Variants in NUP214 observed in about 807,000 individuals in gnomAD.
NUP214 encodes the protein nucleoporin 214.
NUP214 carries 79 observed loss-of-function variants against 196.2 expected under a neutral mutation model. The observed-to-expected ratio is 0.40, with a 90% CI of 0.34 to 0.49. NUP214 has a LOEUF of 0.49. Ranked by LOEUF, NUP214 falls within the 20% of genes least tolerant of loss-of-function variation. NUP214 has a pLI of 0.58. For missense variants in NUP214, 2,468 were observed against 2,539.0 expected, an observed-to-expected ratio of 0.97 and a Z score of 0.60; for synonymous variants, 1,020 against 990.5, an observed-to-expected ratio of 1.03 and a Z score of -0.56.
chr9:131,149,293 G>A (rs1211514882), intron 14 of NUP214, among the ~76,000 whole-genome samples: 1 of 136,956 alleles, frequency 7.3e-6, no homozygotes. Flanking sequence ...CCTCTCTAGT[G>A]TTAATCGTTG....
At chr9:131,182,770 A>G (rs542794917) in intron 24 of NUP214, among the ~76,000 whole-genome samples, 20 of 152,226 alleles carry the variant, frequency 1.3e-4, no homozygotes, top group Admixed American at 1.2e-3. Context: ...GTTTCTATTT[A>G]TCCCATCTGT....
chr9:131,138,790 A>G (rs765545354), intron 9 of NUP214, among the ~76,000 whole-genome samples: 1 of 152,220 alleles, frequency 6.6e-6, no homozygotes, highest in Non-Finnish European at 1.5e-5. Flanking sequence ...CTCTGTCTCT[A>G]TAGACGAGTG....
chr9:131,220,374 C>T (rs969052657), intron 31 of NUP214, among the ~76,000 whole-genome samples: 2 of 152,198 alleles, frequency 1.3e-5, no homozygotes, highest in African/African-American at 2.4e-5. Flanking sequence ...TTGTTTTATG[C>T]TACTTTGTTT....
At chr9:131,172,818 A>G (rs1832996884) in intron 21 of NUP214, among the ~76,000 whole-genome samples, 1 of 152,182 alleles carries the variant, frequency 6.6e-6, no homozygotes, top group South Asian at 2.1e-4. Context: ...TTGCAGAGCC[A>G]TGTGCACATG....
At chr9:131,147,288 C>G (rs946773406) in intron 13 of NUP214, among the ~76,000 whole-genome samples, 2 of 152,060 alleles carry the variant, frequency 1.3e-5, no homozygotes, top group Admixed American at 1.3e-4. Context: ...ATACCTGGCT[C>G]CTAAAATTTT....
chr9:131,173,891 C>T lies in NUP214; in HGVS notation c.2894-164C>T, dbSNP rs562029815. Among the ~76,000 whole-genome samples, 9 of 152,178 alleles carry T rather than the reference C, an allele frequency of 5.9e-5. No individual in the cohort carries two copies. In the South Asian group the frequency reaches 1.9e-3, roughly 32 times the overall value. ...TCCCCATCTGAGCAAAGACCCAAAACCATTTTTGTTCACATTTGACAATAC... is the reference window on the plus strand; with the variant it reads ...TCCCCATCTGAGCAAAGACCCAAAATCATTTTTGTTCACATTTGACAATAC... On this transcript the variant is annotated intron_variant, in intron 21 of 35. Coordinates refer to ENST00000359428, the MANE Select transcript of NUP214 (RefSeq NM_005085.4).
Position 131,197,764 on chromosome 9 carries a change from G to T in NUP214, c.4270G>T (p.Val1424Phe). ...LPVTSAGSSG[V>F]ISFGGTSLSA... ...AGTCACCAGTGCAGGATCCTCTGGG[G>T]TCATCAGTTTTGGTGGGACATCTCT... Residue 1424 changes from valine (V) to phenylalanine (F), a missense_variant, in exon 29 of 36, where the codon GTC becomes TTC. Val to Phe is a conservative substitution (Grantham distance 50). Around this residue, in one of 5 missense-constraint regions of NUP214, gnomAD observed 1,801 missense variants for 1,779.4 expected, o/e 1.01. Transcript: ENST00000359428. The T allele has an allele frequency of 6.2e-7, 1 of 1,614,154 alleles. No individual in the cohort carries two copies. Among genetic ancestry groups the T allele is most frequent in the Non-Finnish European group, 8.5e-7 (1 of 1,180,036 alleles).
intron 32 of NUP214, among the ~76,000 whole-genome samples, chr9:131,225,932 G>C (rs1834707470): frequency 6.6e-6 from 1 of 152,230 alleles, no homozygotes; most frequent in Non-Finnish European, 1.5e-5. Context: ...ATGGACTGAA[G>C]ATGGCCTTGC....
At chr9:131,195,159 T>C in intron 27 of NUP214, 74 bp from the exon 28 acceptor site, 2 of 1,047,460 alleles carry the variant, frequency 1.9e-6, no homozygotes, top group Non-Finnish European at 2.9e-6. Flanking sequence ...GAATGAATGA[T>C]AAAATGGAAT....
chr9:131,137,082 G>C (rs1831752390), intron 9 of NUP214, among the ~76,000 whole-genome samples: 1 of 152,174 alleles, frequency 6.6e-6, no homozygotes, highest in South Asian at 2.1e-4. Context: ...TGAGGCTAGA[G>C]TTCAGCCATC....
At position 131,170,872 on chromosome 9, in the gene NUP214, G is replaced by A. The variant is rs111792799; in HGVS notation, c.2894-3183G>A. On this transcript the variant is annotated intron_variant, in intron 21 of 35. Coordinates refer to ENST00000359428, the MANE Select transcript of NUP214 (RefSeq NM_005085.4). ...ACCTCCAGTGCAGCGTAAAAGTGTCGTGTAGCTCTCCTTGATCTCAAAAGG... is the reference window on the plus strand; with the variant it reads ...ACCTCCAGTGCAGCGTAAAAGTGTCATGTAGCTCTCCTTGATCTCAAAAGG... Among the ~76,000 whole-genome samples the A allele has an allele frequency of 2.0e-3, 303 of 151,874 alleles. 1 individual carries two copies. Among genetic ancestry groups the A allele is most frequent in the African/African-American group, 6.7e-3 (277 of 41,420 alleles).
In NUP214 at chr9:131,125,671, G is replaced by C. The variant is rs1831325037; in HGVS notation, c.-34G>C. ...TCCGTGGGCAAGGCCGTGGGAGGCA[G>C]CGTTGGCTGCTTCGACACACTGAGG... is the stretch of plus-strand genomic sequence containing the variant. On this transcript the variant is annotated 5_prime_UTR_variant, in exon 1 of 36. Transcript: ENST00000359428. The surrounding 1 kb of genome is among the most constrained non-coding windows in gnomAD (Gnocchi z 4.1). 1.3e-6 allele frequency: 2 copies of C among 1,547,778 alleles called. No individual in the cohort carries two copies. The highest frequency in any genetic ancestry group is 2.8e-5 in the African/African-American group (2 of 72,646).
intron 12 of NUP214, among the ~76,000 whole-genome samples, chr9:131,145,784 C>G (rs1338950019): frequency 6.6e-6 from 1 of 152,194 alleles, no homozygotes; most frequent in Non-Finnish European, 1.5e-5. Flanking sequence ...AGTACTAACT[C>G]TCCTAAGCAT....
chr9:131,198,115 C>A lies in NUP214; in HGVS notation c.4621C>A (p.Pro1541Thr). 1 of 1,614,206 alleles carries A rather than the reference C, an allele frequency of 6.2e-7. No individual in the cohort carries two copies. Among genetic ancestry groups the A allele is most frequent in the Non-Finnish European group, 8.5e-7 (1 of 1,180,036 alleles). ...PQTSDSVKKE[P>T]VLAQPAVSNS... is the part of the protein sequence containing the mutation. Reference sequence around the variant, plus strand: ...AACTTCTGACTCTGTTAAAAAAGAACCTGTTCTTGCCCAGCCTGCAGTCAG... The same window carrying A: ...AACTTCTGACTCTGTTAAAAAAGAAACTGTTCTTGCCCAGCCTGCAGTCAG... The change falls in exon 29 of 36, where the codon CCT (proline) becomes ACT (threonine). Residue 1541 changes from proline to threonine, a missense_variant. By Grantham distance (38) the Pro-to-Thr change is conservative. Coordinates refer to ENST00000359428, the MANE Select transcript of NUP214 (RefSeq NM_005085.4).
chr9:131,174,530 C>T (rs1341579751), intron 22 of NUP214, among the ~76,000 whole-genome samples: 1 of 129,744 alleles, frequency 7.7e-6, no homozygotes, highest in Non-Finnish European at 1.6e-5. Flanking sequence ...CTCACTGCAA[C>T]ATCCACCTCC....
intron 31 of NUP214, among the ~76,000 whole-genome samples, chr9:131,218,376 A>C (rs1564216948): frequency 6.6e-6 from 1 of 152,126 alleles, no homozygotes; most frequent in East Asian, 1.9e-4. Flanking sequence ...CATTGTCCTC[A>C]CCACAGTACT....
In NUP214 at chr9:131,180,611, C is replaced by T. The variant is rs115481633; in HGVS notation, c.3419+2201C>T. Among the ~76,000 whole-genome samples, 701 of 152,262 alleles carry T rather than the reference C, an allele frequency of 4.6e-3. 3 individuals are homozygous for T. Among genetic ancestry groups the T allele is most frequent in the African/African-American group, 0.016 (682 of 41,538 alleles). Reference sequence around the variant, plus strand: ...GTACTTTATGTTCATTGGCCTCATCCATTCAGTTCGTTGGAAGAGTGTTTA... The same window carrying T: ...GTACTTTATGTTCATTGGCCTCATCTATTCAGTTCGTTGGAAGAGTGTTTA... On this transcript the variant is annotated intron_variant, in intron 24 of 35. Coordinates refer to ENST00000359428, the MANE Select transcript of NUP214 (RefSeq NM_005085.4).
intron 23 of NUP214, among the ~76,000 whole-genome samples, chr9:131,176,707 G>A (rs1004389396): frequency 1.1e-4 from 17 of 152,046 alleles, no homozygotes; most frequent in African/African-American, 3.9e-4. Context: ...TTAACATTTC[G>A]TCAGTGGCTT....
At chr9:131,169,034 GTTTTTTTTTT>G (rs58054099) in intron 21 of NUP214, among the ~76,000 whole-genome samples, 1 of 124,132 alleles carries the variant, frequency 8.1e-6, no homozygotes, top group Admixed American at 9.2e-5. Flanking sequence ...GTTTTTTTTT[GTTTTTTTTTT>G]TTTTTTGGAG....
Sources: gnomAD v4.1 joint callset for allele counts (sites outside exome capture counted in the v4.1 genomes callset) on GRCh38, gnomAD v4.1.1 for gene constraint, gnomAD v4.1.1 regional missense constraint, Gnocchi (gnomAD v3.1) non-coding constraint, MANE v1.5 for transcripts, NCBI Gene and HGNC (gene_info 2026-07-23, HGNC 2026-07-21) for gene names.